Variants in RUFY2 observed in about 807,000 individuals in gnomAD.
The protein encoded by RUFY2 is RUN and FYVE domain containing 2.
RUFY2 carries 49 observed loss-of-function variants against 94.4 expected under a neutral mutation model. The ratio of observed to expected loss-of-function variants is 0.52; its 90% CI spans 0.41 to 0.66. RUFY2 has a LOEUF of 0.66. RUFY2 is among the 30% of genes least tolerant of loss of function. The probability of loss-of-function intolerance (pLI) is 0.00; values close to 1 mark genes in which losing one functional copy is unlikely to be tolerated. For missense variants in RUFY2, 541 were observed against 692.8 expected (o/e 0.78, Z 2.46); for synonymous variants, 255 against 235.7 (o/e 1.08, Z -0.75).
intron 15 of RUFY2, among the ~76,000 whole-genome samples, chr10:68,361,117 A>G: frequency 6.6e-6 from 1 of 151,892 alleles, no homozygotes; most frequent in Non-Finnish European, 1.5e-5. Context: ...CGCTGTCTCT[A>G]CTAAAAATTA....
chr10:68,400,332 TAAAC>T (rs977220967), intron 3 of RUFY2, among the ~76,000 whole-genome samples: 60 of 150,296 alleles, frequency 4.0e-4, no homozygotes, highest in African/African-American at 1.1e-3. Context: ...TAAAATAAAA[TAAAC>T]AAAGACAAAC....
At chr10:68,394,938 T>C (rs1242092833) in intron 4 of RUFY2, among the ~76,000 whole-genome samples, 1 of 151,734 alleles carries the variant, frequency 6.6e-6, no homozygotes, top group South Asian at 2.1e-4. Context: ...CAACTTTTCA[T>C]ATTTTTTAAA....
At chr10:68,405,614 T>TA in intron 1 of RUFY2, 1 of 823,034 alleles carries the variant, frequency 1.2e-6, no homozygotes, top group Non-Finnish European at 1.5e-6. Flanking sequence ...AAAAGGTAGT[T>TA]AAAATTCTAG....
chr10:68,397,499 G>T (rs1329894783), intron 3 of RUFY2, among the ~76,000 whole-genome samples: 1 of 152,008 alleles, frequency 6.6e-6, no homozygotes, highest in Admixed American at 6.6e-5. Context: ...AGAGGTCAAG[G>T]TGGGAGGATC....
intron 16 of RUFY2, among the ~76,000 whole-genome samples, chr10:68,347,160 T>A (rs1415478613): frequency 6.6e-6 from 1 of 152,062 alleles, no homozygotes. Context: ...GACCTCACTT[T>A]AAAAGTTTTA....
chr10:68,404,982 C>T (rs1242073771), intron 1 of RUFY2, 138 bp from the exon 2 acceptor site: 2 of 683,690 alleles, frequency 2.9e-6, no homozygotes, highest in East Asian at 3.0e-5. Flanking sequence ...CTAAACCACA[C>T]CCTTGATTAA....
At chr10:68,379,155 T>C (rs1326587508) in intron 12 of RUFY2, 3 of 330,368 alleles carry the variant, frequency 9.1e-6, no homozygotes, top group Non-Finnish European at 1.1e-5. Flanking sequence ...TTTGTGTATT[T>C]GTTTTATGTA....
chr10:68,391,822 C>T (rs951100228), intron 7 of RUFY2, among the ~76,000 whole-genome samples: 9 of 151,260 alleles, frequency 6.0e-5, no homozygotes, highest in Admixed American at 2.0e-4. Flanking sequence ...ATTAACTGTG[C>T]GTGGTGGTGG....
At position 68,343,425 on chromosome 10, in the gene RUFY2, G is replaced by A. The variant is rs1309500641; in HGVS notation, c.*2343C>T. Reference sequence around the variant, plus strand: ...CACCTGTCTTTTTTGAAAGTTGTATGTGTTTTATTTTCCCAGGATTACTCT... The same window carrying A: ...CACCTGTCTTTTTTGAAAGTTGTATATGTTTTATTTTCCCAGGATTACTCT... On this transcript the variant is annotated 3_prime_UTR_variant, in exon 18 of 18. Coordinates refer to ENST00000602465, the MANE Select transcript of RUFY2 (RefSeq NM_001330103.2). 1 of 152,490 alleles carries A rather than the reference G, an allele frequency of 6.6e-6. No homozygotes were observed. The highest frequency in any genetic ancestry group is 1.5e-5 in the Non-Finnish European group (1 of 67,990). The allele number at this position is 152,490 out of a possible 1,614,324, so 9.4% of individuals were successfully genotyped here.
chr10:68,389,315 G>A lies in RUFY2; in HGVS notation c.651-3187C>T, dbSNP rs138358689. Among the ~76,000 whole-genome samples, 369 of 152,240 alleles carry A rather than the reference G, an allele frequency of 2.4e-3. 2 individuals carry two copies. Among genetic ancestry groups the A allele is most frequent in the African/African-American group, 8.2e-3 (340 of 41,546 alleles). ...TGAGAAAAGTCTTTTGAACTGGGCC[G>A]GCCACGGTGGCTCACGCCTGTAATC... On this transcript the variant is annotated intron_variant, in intron 7 of 17. Coordinates refer to ENST00000602465, the MANE Select transcript of RUFY2 (RefSeq NM_001330103.2).
intron 16 of RUFY2, among the ~76,000 whole-genome samples, chr10:68,348,656 C>T (rs1412258177): frequency 6.6e-6 from 1 of 152,172 alleles, no homozygotes; most frequent in Non-Finnish European, 1.5e-5. Flanking sequence ...GCATCAGGTT[C>T]GGAAACAACC....
intron 13 of RUFY2, among the ~76,000 whole-genome samples, chr10:68,371,501 A>C (rs1462345981): frequency 6.6e-6 from 1 of 151,948 alleles, no homozygotes; most frequent in Non-Finnish European, 1.5e-5. Flanking sequence ...CTGAGGCAGA[A>C]GAATCGCTTG....
intron 3 of RUFY2, among the ~76,000 whole-genome samples, chr10:68,400,612 G>A (rs763933796): frequency 7.9e-5 from 12 of 151,026 alleles, no homozygotes; most frequent in Non-Finnish European, 1.6e-4. Context: ...TGAGGCGGAG[G>A]TTGCAGTGAG....
chr10:68,401,710 T>C lies in RUFY2; in HGVS notation c.206A>G (p.Lys69Arg). The change falls in exon 3 of 18, where the codon AAA (lysine) becomes AGA (arginine). Residue 69 changes from lysine (K) to arginine (R), a missense_variant. By Grantham distance (26) the Lys-to-Arg change is conservative (BLOSUM62 2). Coordinates refer to ENST00000602465, the MANE Select transcript of RUFY2 (RefSeq NM_001330103.2). ...KVRKSFLSYNKTIWGPLELVE... is the reference protein window; with the variant it reads ...KVRKSFLSYNRTIWGPLELVE... ...CAGTTCCAAAGGGCCCCAGATGGTT[T>C]TGTTGTAACTCAAAAATGATTTTCT... is the stretch of plus-strand genomic sequence containing the variant. 1 of 1,613,188 alleles carries C rather than the reference T, an allele frequency of 6.2e-7. No homozygotes were observed. The highest frequency in any genetic ancestry group is 2.2e-5 in the East Asian group (1 of 44,872).
chr10:68,400,000 G>T (rs777037826), intron 3 of RUFY2, among the ~76,000 whole-genome samples: 4 of 151,562 alleles, frequency 2.6e-5, no homozygotes, highest in Non-Finnish European at 4.4e-5. Context: ...GGCTGGTCTC[G>T]AACTCCCAAC....
At chr10:68,353,317 C>T (rs1319438613) in intron 16 of RUFY2, among the ~76,000 whole-genome samples, 18 of 144,090 alleles carry the variant, frequency 1.2e-4, no homozygotes, top group African/African-American at 4.4e-4. Context: ...GGTAACAGAG[C>T]GAGACCCTGT....
In RUFY2 at chr10:68,377,719, G is replaced by T. The variant is rs2048767706; in HGVS notation, c.1206-747C>A. On this transcript the variant is annotated intron_variant, in intron 12 of 17. Transcript: ENST00000602465. ...CTTAGCTCCACTCCCTGCCTTCTTT[G>T]GCCATCTAGGATTTCTTGTATTTAA... 2 of 984,808 alleles carry T rather than the reference G, an allele frequency of 2.0e-6. 1 individual carries two copies. The highest frequency in any genetic ancestry group is 9.4e-5 in the South Asian group (2 of 21,274). 61.0% of individuals were successfully genotyped at this position (984,808 alleles called of 1,614,324 possible).
chr10:68,401,659 T>C lies in RUFY2; in HGVS notation c.257A>G (p.Glu86Gly). ...ELVEKLYPEA[E>G]EIGASVRDLP... is the part of the protein sequence containing the mutation. The stretch of plus-strand genomic sequence containing the variant: ...ATCCCGGACACTAGCTCCTATTTCC[T>C]CTGCTTCGGGGTACAGCTTCTCCAC... Residue 86 changes from glutamate to glycine, a missense_variant, in exon 3 of 18, where the codon GAG becomes GGG. Around this residue, in one of 3 missense-constraint regions of RUFY2, gnomAD observed 85 missense variants for 153.4 expected, o/e 0.55. Coordinates refer to ENST00000602465, the MANE Select transcript of RUFY2 (RefSeq NM_001330103.2). 6.2e-7 allele frequency: 1 copy of C among 1,613,942 alleles called. No homozygotes were observed. Among genetic ancestry groups the C allele is most frequent in the Non-Finnish European group, 8.5e-7 (1 of 1,179,846 alleles).
At chr10:68,347,925 T>C (rs1349735388) in intron 16 of RUFY2, among the ~76,000 whole-genome samples, 1 of 151,960 alleles carries the variant, frequency 6.6e-6, no homozygotes, top group Non-Finnish European at 1.5e-5. Context: ...TCTTAAGACT[T>C]TTCCAAAAGC....
Sources: allele counts gnomAD v4.1 joint callset (sites outside exome capture counted in the v4.1 genomes callset), GRCh38; gene constraint gnomAD v4.1.1; regional missense constraint gnomAD v4.1.1; transcripts MANE v1.5; gene names NCBI Gene and HGNC (gene_info 2026-07-23, HGNC 2026-07-21).